The following PEX5L variants were observed in gnomAD, a reference collection of about 807,000 sequenced individuals.
PEX5L encodes peroxisomal biogenesis factor 5 like, also known as PEX5-related protein.
PEX5L carries 30 observed loss-of-function variants against 84.0 expected under a neutral mutation model. The ratio of observed to expected loss-of-function variants is 0.36; its 90% CI spans 0.27 to 0.48. PEX5L has a LOEUF of 0.48. PEX5L is among the 20% of genes least tolerant of loss of function. The pLI is 0.99. For missense variants in PEX5L, 533 were observed against 754.6 expected, an observed-to-expected ratio of 0.71 and a Z score of 3.44; for synonymous variants, 270 against 283.1, an observed-to-expected ratio of 0.95 and a Z score of 0.46.
At chr3:180,035,888 C>G (rs780163277) in intron 1 of PEX5L, among the ~76,000 whole-genome samples, 1 of 152,146 alleles carries the variant, frequency 6.6e-6, no homozygotes, top group African/African-American at 2.4e-5. Flanking sequence ...GAACTGGAGT[C>G]AAGGTTAAAG....
chr3:179,820,984 A>T (rs1728306914), intron 8 of PEX5L, among the ~76,000 whole-genome samples: 1 of 152,194 alleles, frequency 6.6e-6, no homozygotes, highest in Non-Finnish European at 1.5e-5. Context: ...AGGACTGTGG[A>T]TATATAAAGA....
chr3:179,968,928 AAC>A lies in PEX5L; in HGVS notation c.93+2664_93+2665del, dbSNP rs1045262265. ...TACACTTTTTTTTCCATGTTGAAAT[AAC>A]ACAGAAATCATCTTTTACCTCCTTG... On this transcript the variant is annotated intron_variant, in intron 2 of 14. Coordinates refer to ENST00000467460, the MANE Select transcript of PEX5L (RefSeq NM_016559.3). Among the ~76,000 whole-genome samples, 79 of 152,172 alleles carry A rather than the reference AAC, an allele frequency of 5.2e-4. 5 individuals are homozygous for A.
intron 14 of PEX5L, 120 bp downstream of exon 14, chr3:179,807,554 A>C (rs1241445941): frequency 2.9e-5 from 26 of 895,686 alleles, no homozygotes; most frequent in Non-Finnish European, 4.1e-5. Context: ...ATTCACCCTT[A>C]ACGGCAGGAG....
At chr3:179,986,299 A>G (rs554117503) in intron 1 of PEX5L, among the ~76,000 whole-genome samples, 1 of 151,528 alleles carries the variant, frequency 6.6e-6, no homozygotes, top group South Asian at 2.1e-4. Context: ...AAAAGTTTGC[A>G]TATTTTATCA....
intron 8 of PEX5L, among the ~76,000 whole-genome samples, chr3:179,827,335 C>T (rs920808543): frequency 6.6e-6 from 1 of 152,182 alleles, no homozygotes; most frequent in Non-Finnish European, 1.5e-5. Flanking sequence ...GAAGCCCAAG[C>T]CTCAAAGGCC....
rs1169612165 is a variant in PEX5L at position 179,796,746 on chromosome 3, A to G, written c.*5082T>C. 6.6e-6 allele frequency: 1 copy of G among 152,114 alleles called. No homozygotes were observed. The allele number at this position is 152,114 out of a possible 1,614,324, so 9.4% of individuals were successfully genotyped here. A position where few individuals can be genotyped will look rare whatever the true frequency, so the allele number is the denominator to read the frequency against. On this transcript the variant is annotated 3_prime_UTR_variant, in exon 15 of 15. Coordinates refer to ENST00000467460, the MANE Select transcript of PEX5L (RefSeq NM_016559.3). Reference sequence around the variant, plus strand: ...GGTTATGGGAAAAGGCAGTGAGAAGATTTCAGAGTTGGTTCTGAGTGACCG... The same window carrying G: ...GGTTATGGGAAAAGGCAGTGAGAAGGTTTCAGAGTTGGTTCTGAGTGACCG...
intron 2 of PEX5L, among the ~76,000 whole-genome samples, chr3:179,910,028 C>T (rs1024756721): frequency 7.9e-5 from 12 of 152,206 alleles, no homozygotes; most frequent in African/African-American, 2.7e-4. Flanking sequence ...TGAATGACTA[C>T]GAAGCGGTCT....
chr3:179,882,562 T>C (rs896810611), intron 4 of PEX5L, among the ~76,000 whole-genome samples: 3 of 152,174 alleles, frequency 2.0e-5, no homozygotes, highest in African/African-American at 7.2e-5. Context: ...GAGTACGTTT[T>C]CAAAAGGAGA....
At chr3:179,991,961 C>A (rs575481129) in intron 1 of PEX5L, among the ~76,000 whole-genome samples, 1 of 152,094 alleles carries the variant, frequency 6.6e-6, no homozygotes, top group Non-Finnish European at 1.5e-5. Context: ...ATTCCCATGG[C>A]GCTTATTTAT....
At chr3:179,863,638 C>T (rs956866029) in intron 7 of PEX5L, among the ~76,000 whole-genome samples, 1 of 152,082 alleles carries the variant, frequency 6.6e-6, no homozygotes, top group Non-Finnish European at 1.5e-5. Flanking sequence ...GAGATACCAC[C>T]TCACACCTAT....
intron 1 of PEX5L, among the ~76,000 whole-genome samples, chr3:179,978,240 C>T (rs1785998150): frequency 6.6e-6 from 1 of 152,100 alleles, no homozygotes; most frequent in Non-Finnish European, 1.5e-5. Flanking sequence ...TTGGTCTGTA[C>T]ATTAATAGCC....
chr3:180,002,415 A>G (rs769148537), intron 1 of PEX5L, among the ~76,000 whole-genome samples: 1 of 152,148 alleles, frequency 6.6e-6, no homozygotes, highest in Non-Finnish European at 1.5e-5. Context: ...AATATTTTTA[A>G]GTCTGATGAG....
chr3:179,969,100 C>G (rs979227387), intron 2 of PEX5L, among the ~76,000 whole-genome samples: 1 of 152,040 alleles, frequency 6.6e-6, no homozygotes, highest in African/African-American at 2.4e-5. Flanking sequence ...ATAGCATACA[C>G]AGCATTTGTA....
chr3:179,869,670 T>C (rs761605764), intron 7 of PEX5L, among the ~76,000 whole-genome samples: 2 of 152,172 alleles, frequency 1.3e-5, no homozygotes, highest in Non-Finnish European at 2.9e-5. Context: ...GGACTTTCTC[T>C]GAAGTTCCCA....
intron 2 of PEX5L, chr3:179,902,055 T>C (rs1761532398): frequency 1.3e-5 from 2 of 152,274 alleles, no homozygotes; most frequent in Admixed American, 6.5e-5. Context: ...GGCTAAACTG[T>C]TTCAAGAGGC....
intron 2 of PEX5L, among the ~76,000 whole-genome samples, chr3:179,904,346 G>A (rs1160460350): frequency 1.3e-5 from 2 of 152,106 alleles, no homozygotes; most frequent in Non-Finnish European, 2.9e-5. Context: ...TTTGTGTTTT[G>A]TGTTAATTGA....
chr3:179,862,905 AT>A (rs1746718910), intron 7 of PEX5L, among the ~76,000 whole-genome samples: 1 of 152,156 alleles, frequency 6.6e-6, no homozygotes, highest in African/African-American at 2.4e-5. Context: ...AAAGAACAAC[AT>A]TGGAGGGATA....
At chr3:179,954,052 T>C (rs1375926752) in intron 2 of PEX5L, among the ~76,000 whole-genome samples, 1 of 152,166 alleles carries the variant, frequency 6.6e-6, no homozygotes, top group East Asian at 1.9e-4. Context: ...ATTCTATAAA[T>C]CTAAGGAGGG....
chr3:179,804,758 G>A (rs924777993), intron 14 of PEX5L, among the ~76,000 whole-genome samples: 2 of 152,196 alleles, frequency 1.3e-5, no homozygotes, highest in African/African-American at 4.8e-5. Context: ...TCTATTGAGG[G>A]TTGTTATTTC....
Sources: allele counts gnomAD v4.1 joint callset (sites outside exome capture counted in the v4.1 genomes callset), GRCh38; gene constraint gnomAD v4.1.1; transcripts MANE v1.5; gene names NCBI Gene and HGNC (gene_info 2026-07-23, HGNC 2026-07-21).